SCAND3: variants seen among roughly 807,000 people sequenced by gnomAD.
SCAND3 encodes the protein SCAN domain-containing protein 3.
the SCAND3 span, among the ~76,000 whole-genome samples, chr6:28,580,681 A>T: frequency 1.3e-5 from 2 of 152,242 alleles, no homozygotes; most frequent in African/African-American, 2.4e-5. Flanking sequence ...GTTTATAATT[A>T]AACAATGTAT....
chr6:28,575,264 T>G, the SCAND3 span: 2 of 1,614,030 alleles, frequency 1.2e-6, no homozygotes, highest in East Asian at 4.5e-5. The surrounding 1 kb of genome is among the most constrained non-coding windows in gnomAD (Gnocchi z 4.2). Context: ...AAAATCCTCT[T>G]TCGGATATCC....
the SCAND3 span, among the ~76,000 whole-genome samples, chr6:28,583,382 AAAAC>A: frequency 0.2 from 28,546 of 145,414 alleles, 2,781 homozygotes; most frequent in Admixed American, 0.24. Flanking sequence ...ACTCTGTCTC[AAAAC>A]AAACAAACAA....
the SCAND3 span, among the ~76,000 whole-genome samples, chr6:28,597,287 T>C: frequency 6.6e-6 from 1 of 152,182 alleles, no homozygotes; most frequent in African/African-American, 2.4e-5. Context: ...AAACGCTAAC[T>C]AGGCAGCACT....
At chr6:28,602,054 G>C in the SCAND3 span, among the ~76,000 whole-genome samples, 3 of 152,252 alleles carry the variant, frequency 2.0e-5, no homozygotes, top group Admixed American at 2.0e-4. Context: ...TGATAGTGCA[G>C]ATAATGCCTG....
chr6:28,609,425 G>C, the SCAND3 span, among the ~76,000 whole-genome samples: 1 of 152,128 alleles, frequency 6.6e-6, no homozygotes, highest in Non-Finnish European at 1.5e-5. Flanking sequence ...TGAAGGAAAA[G>C]AATCAAGCAT....
the SCAND3 span, chr6:28,591,867 G>T: frequency 6.6e-6 from 1 of 152,136 alleles, no homozygotes. Context: ...ATCAGCTGCC[G>T]AGAGAAGATG....
At chr6:28,575,840 C>T in the SCAND3 span, 1 of 1,613,982 alleles carries the variant, frequency 6.2e-7, no homozygotes, top group Non-Finnish European at 8.5e-7. This position sits in a 1 kb window ranked among gnomAD's most constrained non-coding sequence, Gnocchi z 4.2. Context: ...TTTACAGCCT[C>T]AATTAGCTTC....
At chr6:28,596,139 CA>C in the SCAND3 span, among the ~76,000 whole-genome samples, 1 of 152,106 alleles carries the variant, frequency 6.6e-6, no homozygotes, top group Non-Finnish European at 1.5e-5. Flanking sequence ...TATACACATT[CA>C]AAATTTTATG....
At chr6:28,607,870 T>C in the SCAND3 span, among the ~76,000 whole-genome samples, 1 of 152,158 alleles carries the variant, frequency 6.6e-6, no homozygotes, top group Non-Finnish European at 1.5e-5. Context: ...CAAATATCTC[T>C]TGTTCAAGAA....
chr6:28,571,942 G>C, the SCAND3 span: 1 of 1,613,212 alleles, frequency 6.2e-7, no homozygotes, highest in Non-Finnish European at 8.5e-7. Context: ...CTTCTTGCTT[G>C]TTAATTTGTC....
chr6:28,587,609 G>GGA, the SCAND3 span: 2 of 152,186 alleles, frequency 1.3e-5, no homozygotes, highest in Admixed American at 1.3e-4. Flanking sequence ...GAAACAAAAT[G>GGA]GAGAGGAGCA....
the SCAND3 span, chr6:28,575,510 G>C: frequency 2.5e-6 from 4 of 1,613,826 alleles, no homozygotes; most frequent in Non-Finnish European, 3.4e-6. This position sits in a 1 kb window ranked among gnomAD's most constrained non-coding sequence, Gnocchi z 4.2. Flanking sequence ...TTTGTACAGA[G>C]ATCTTGATAA....
chr6:28,614,072 T>C, the SCAND3 span, among the ~76,000 whole-genome samples: 2 of 151,966 alleles, frequency 1.3e-5, no homozygotes, highest in African/African-American at 4.8e-5. Context: ...CAAGCGATTC[T>C]CCTGCTTCAG....
the SCAND3 span, chr6:28,586,169 C>T: frequency 1.4e-6 from 1 of 714,414 alleles, no homozygotes. The surrounding 1 kb of genome is among the most constrained non-coding windows in gnomAD (Gnocchi z 4.4). Flanking sequence ...TCATCTACAC[C>T]AGTGATCAAA....
chr6:28,599,139 ACT>A, the SCAND3 span, among the ~76,000 whole-genome samples: 267 of 152,282 alleles, frequency 1.8e-3, no homozygotes, highest in Admixed American at 3.7e-3. Context: ...AAGCTACAAA[ACT>A]CTGACTGAAG....
chr6:28,596,220 C>T, the SCAND3 span, among the ~76,000 whole-genome samples: 1 of 152,032 alleles, frequency 6.6e-6, no homozygotes, highest in African/African-American at 2.4e-5. Context: ...CCAAATTGTC[C>T]AACAGAGAAC....
At chr6:28,608,468 A>G in the SCAND3 span, among the ~76,000 whole-genome samples, 2 of 152,122 alleles carry the variant, frequency 1.3e-5, no homozygotes, top group Admixed American at 1.3e-4. Context: ...CATTTTACAA[A>G]CACATTTAAC....
chr6:28,611,887 G>C, the SCAND3 span, among the ~76,000 whole-genome samples: 1 of 152,224 alleles, frequency 6.6e-6, no homozygotes, highest in Admixed American at 6.5e-5. Flanking sequence ...TAATTTAAAA[G>C]TGTCTTCTAA....
At chr6:28,597,367 G>A in the SCAND3 span, among the ~76,000 whole-genome samples, 3 of 152,174 alleles carry the variant, frequency 2.0e-5, no homozygotes, top group South Asian at 2.1e-4. Flanking sequence ...GAACCCACGC[G>A]TGCAGAGCAC....
Sources: allele counts gnomAD v4.1 joint callset (sites outside exome capture counted in the v4.1 genomes callset), GRCh38; gene constraint gnomAD v4.1.1; non-coding constraint Gnocchi (gnomAD v3.1); transcripts MANE v1.5; gene names NCBI Gene and HGNC (gene_info 2026-07-23, HGNC 2026-07-21).